NREP: variants seen among roughly 807,000 people sequenced by gnomAD.
NREP encodes neuronal regeneration related protein, also known as neuronal regeneration-related protein.
A neutral mutation model predicts 8.6 loss-of-function variants in NREP; 5 were observed. That is an observed-to-expected ratio of 0.58 (90% CI 0.30 to 1.22). The LOEUF (loss-of-function observed/expected upper bound fraction) is 1.22. Among genes scored for constraint, NREP ranks in the 50% most tolerant of loss-of-function variants. The probability of loss-of-function intolerance (pLI) is 0.07; values close to 1 mark genes in which losing one functional copy is unlikely to be tolerated. For synonymous variants in NREP, 27 were observed against 28.0 expected, an observed-to-expected ratio of 0.96 and a Z score of 0.11; for missense variants, 86 against 82.5, an observed-to-expected ratio of 1.04 and a Z score of -0.17.
chr5:111,970,410 A>G (rs72786291), intron 2 of NREP, among the ~76,000 whole-genome samples: 4,947 of 152,284 alleles, frequency 0.032, 115 homozygotes, highest in Non-Finnish European at 0.046. Context: ...CTGGCTTTGT[A>G]TCGGTGATTC....
chr5:111,857,900 T>C (rs1165942946), intron 2 of NREP, among the ~76,000 whole-genome samples: 1 of 151,642 alleles, frequency 6.6e-6, no homozygotes, highest in East Asian at 1.9e-4. Context: ...GAAGTGACAA[T>C]AGCCACTGTC....
intron 2 of NREP, among the ~76,000 whole-genome samples, chr5:111,821,091 G>C (rs1413575674): frequency 6.6e-6 from 1 of 152,148 alleles, no homozygotes; most frequent in African/African-American, 2.4e-5. Flanking sequence ...AATTAGGTTA[G>C]AGAACCACCA....
At chr5:111,778,652 AT>A (rs78326331) in intron 2 of NREP, among the ~76,000 whole-genome samples, 4,396 of 152,108 alleles carry the variant, frequency 0.029, 83 homozygotes, top group East Asian at 0.063. Flanking sequence ...ATGGGCACAT[AT>A]TTTTCAGTAT....
At chr5:111,853,357 C>T (rs1046841339) in intron 2 of NREP, among the ~76,000 whole-genome samples, 5 of 151,128 alleles carry the variant, frequency 3.3e-5, no homozygotes, top group African/African-American at 9.7e-5. Flanking sequence ...ATAGAATGTA[C>T]AATGTTGAGT....
At chr5:111,927,678 C>A (rs115747917) in intron 2 of NREP, among the ~76,000 whole-genome samples, 6 of 152,188 alleles carry the variant, frequency 3.9e-5, no homozygotes, top group Non-Finnish European at 8.8e-5. Flanking sequence ...CCATCTTTCA[C>A]ATGTAAAATG....
At chr5:111,949,639 C>T (rs1387288227) in intron 2 of NREP, among the ~76,000 whole-genome samples, 1 of 151,906 alleles carries the variant, frequency 6.6e-6, no homozygotes, top group Non-Finnish European at 1.5e-5. Flanking sequence ...TCCATGTGTT[C>T]TCATTGTCCA....
At chr5:111,828,325 G>A (rs535280070) in intron 2 of NREP, among the ~76,000 whole-genome samples, 30 of 152,188 alleles carry the variant, frequency 2.0e-4, no homozygotes, top group Non-Finnish European at 3.1e-4. Flanking sequence ...CACCGCGCCC[G>A]GCCGGATATT....
At chr5:111,748,553 T>G (rs1327214084) in intron 2 of NREP, among the ~76,000 whole-genome samples, 1 of 152,196 alleles carries the variant, frequency 6.6e-6, no homozygotes. Flanking sequence ...CAGATTAGAC[T>G]GGTTCATGGT....
At chr5:111,764,297 A>T (rs1338779230) in intron 2 of NREP, among the ~76,000 whole-genome samples, 1 of 152,170 alleles carries the variant, frequency 6.6e-6, no homozygotes, top group Non-Finnish European at 1.5e-5. Flanking sequence ...GAAAGGGCTG[A>T]TTGAAGGCTG....
chr5:111,840,663 C>T (rs896904807), intron 2 of NREP, among the ~76,000 whole-genome samples: 2 of 152,160 alleles, frequency 1.3e-5, no homozygotes, highest in Non-Finnish European at 2.9e-5. Flanking sequence ...CTCATATCCA[C>T]TTACTGGTCA....
intron 2 of NREP, among the ~76,000 whole-genome samples, chr5:111,830,299 A>C (rs1561683977): frequency 6.6e-6 from 1 of 152,250 alleles, no homozygotes; most frequent in Non-Finnish European, 1.5e-5. Flanking sequence ...AAAAGATCTT[A>C]CAATGACACA....
chr5:111,825,742 C>T (rs990698822), intron 2 of NREP, among the ~76,000 whole-genome samples: 3 of 152,122 alleles, frequency 2.0e-5, no homozygotes, highest in Admixed American at 6.5e-5. Flanking sequence ...TAGGTATAAA[C>T]ACAACTATCT....
At chr5:111,901,027 G>A (rs534578931) in intron 2 of NREP, among the ~76,000 whole-genome samples, 28 of 152,136 alleles carry the variant, frequency 1.8e-4, no homozygotes, top group African/African-American at 6.7e-4. Flanking sequence ...CTAGCAAACT[G>A]CATCCAACAA....
At chr5:111,874,870 T>C (rs952162019) in intron 2 of NREP, among the ~76,000 whole-genome samples, 5 of 152,130 alleles carry the variant, frequency 3.3e-5, no homozygotes, top group South Asian at 2.1e-4. Context: ...GAATGCCAGA[T>C]CTAACACAAT....
chr5:111,912,417 T>C (rs1754938777), intron 2 of NREP: 1 of 152,362 alleles, frequency 6.6e-6, no homozygotes, highest in African/African-American at 2.4e-5. Context: ...TAGTCTGTTT[T>C]CTATATATTG....
chr5:111,909,363 C>T (rs74626680), intron 2 of NREP, among the ~76,000 whole-genome samples: 19,803 of 152,016 alleles, frequency 0.13, 1,728 homozygotes, highest in African/African-American at 0.24. Flanking sequence ...GAACAAAACA[C>T]AATGAGTTAG....
chr5:111,859,520 G>A (rs1753498460), intron 2 of NREP, among the ~76,000 whole-genome samples: 1 of 152,104 alleles, frequency 6.6e-6, no homozygotes, highest in Non-Finnish European at 1.5e-5. Flanking sequence ...AGGAAACCAA[G>A]GCTGGAAGCT....
At chr5:111,935,683 A>T (rs890650014) in intron 2 of NREP, among the ~76,000 whole-genome samples, 4 of 152,142 alleles carry the variant, frequency 2.6e-5, no homozygotes, top group Non-Finnish European at 5.9e-5. Flanking sequence ...CAACAATCAC[A>T]TTAAAATAGA....
At chr5:111,808,808 G>A (rs1285247222) in intron 2 of NREP, among the ~76,000 whole-genome samples, 2 of 152,126 alleles carry the variant, frequency 1.3e-5, no homozygotes, top group East Asian at 3.9e-4. Context: ...CCTTTTCTAT[G>A]TCTTCTACCA....
Sources: allele counts gnomAD v4.1 joint callset (sites outside exome capture counted in the v4.1 genomes callset), GRCh38; gene constraint gnomAD v4.1.1; transcripts MANE v1.5; gene names NCBI Gene and HGNC (gene_info 2026-07-23, HGNC 2026-07-21).